Variants in RNF216 observed in about 807,000 individuals in gnomAD.
The protein encoded by RNF216 is E3 ubiquitin-protein ligase RNF216.
Under a neutral mutation model 110.8 loss-of-function variants are expected in RNF216, and 72 were observed. The ratio of observed to expected loss-of-function variants is 0.65; its 90% confidence interval spans 0.54 to 0.79. The LOEUF is 0.79. Among genes scored for constraint, RNF216 ranks in the 30% least tolerant of loss-of-function variants. The pLI is 0.00. For missense variants in RNF216, 1,342 were observed against 1,141.2 expected (o/e 1.18, Z -2.54); for synonymous variants, 495 against 407.5 (o/e 1.21, Z -2.59).
In RNF216 at chr7:5,778,261, C is replaced by G. The variant is rs117240984; in HGVS notation, c.-70+3280G>C. On this transcript the variant is annotated intron_variant, in intron 1 of 16. Transcript: ENST00000389902. Reference sequence around the variant, plus strand: ...GTTCAGTTCCATGACTTGCTCCTTCCTTCCACTGCAGGCTCTTCCCCAGCT... The same window carrying G: ...GTTCAGTTCCATGACTTGCTCCTTCGTTCCACTGCAGGCTCTTCCCCAGCT... Among the ~76,000 whole-genome samples the G allele has an allele frequency of 3.9e-3, 597 of 152,294 alleles. 5 individuals are homozygous for G. Among genetic ancestry groups the G allele is most frequent in the Non-Finnish European group, 7.0e-3 (474 of 68,028 alleles).
chr7:5,652,854 A>T (rs1196544058), intron 13 of RNF216, among the ~76,000 whole-genome samples: 1 of 152,112 alleles, frequency 6.6e-6, no homozygotes, highest in Admixed American at 6.6e-5. Flanking sequence ...AAGGACGCAC[A>T]AGGAAAAATT....
intron 13 of RNF216, 66 bp from the exon 14 acceptor site, chr7:5,652,576 A>G (rs1788463854): frequency 7.8e-6 from 8 of 1,022,010 alleles, no homozygotes; most frequent in Non-Finnish European, 1.2e-5. Context: ...TTCCTGTTCA[A>G]CAAAAGGGAT....
At chr7:5,744,926 C>T (rs367944850) in intron 3 of RNF216, among the ~76,000 whole-genome samples, 94 of 151,660 alleles carry the variant, frequency 6.2e-4, no homozygotes, top group African/African-American at 2.2e-3. Flanking sequence ...GAGCCAAGAT[C>T]GCGCCATTGC....
At chr7:5,723,288 C>T (rs73341624) in intron 8 of RNF216, among the ~76,000 whole-genome samples, 10,459 of 152,192 alleles carry the variant, frequency 0.069, 1,187 homozygotes, top group African/African-American at 0.24. Context: ...TTCGTCTTTA[C>T]TCAGTTCTTT....
intron 13 of RNF216, among the ~76,000 whole-genome samples, chr7:5,653,707 T>C (rs1788549697): frequency 2.0e-5 from 3 of 147,736 alleles, no homozygotes; most frequent in African/African-American, 5.0e-5. Context: ...AAGGAAAACA[T>C]AGTGTTGTCA....
chr7:5,778,694 C>G, intron 1 of RNF216, among the ~76,000 whole-genome samples: 1 of 152,196 alleles, frequency 6.6e-6, no homozygotes, highest in Middle Eastern at 3.2e-3. Flanking sequence ...CACGCTGACC[C>G]TTACAAGTTT....
At position 5,635,290 on chromosome 7, in the gene RNF216, CTT is replaced by C. The variant is rs755049416; in HGVS notation, c.2382+5862_2382+5863del. ...GATCACACCCACCCCACTAACTTCA[CTT>C]TTTTTTTTTTTTTTTTAACACACAA... On this transcript the variant is annotated intron_variant, in intron 15 of 16. Coordinates refer to ENST00000389902, the MANE Select transcript of RNF216 (RefSeq NM_207111.4). Among the ~76,000 whole-genome samples, 291 of 135,768 alleles carry C rather than the reference CTT, an allele frequency of 2.1e-3. 1 individual carries two copies. Among genetic ancestry groups the C allele is most frequent in the African/African-American group, 5.7e-3 (211 of 37,178 alleles). The allele number at this position is 135,768 out of a possible 152,430, so 89.1% of individuals were successfully genotyped here.
At chr7:5,626,926 G>A (rs1786744378) in intron 15 of RNF216, among the ~76,000 whole-genome samples, 1 of 152,128 alleles carries the variant, frequency 6.6e-6, no homozygotes, top group South Asian at 2.1e-4. Flanking sequence ...ATGAAGAAGT[G>A]GTGCACACTG....
chr7:5,774,901 C>T (rs1243715770), intron 1 of RNF216: 1 of 152,034 alleles, frequency 6.6e-6, no homozygotes, highest in Non-Finnish European at 1.5e-5. Context: ...GGCATGTTGC[C>T]ACCATGCCCA....
chr7:5,667,251 G>C (rs1276611181), intron 13 of RNF216, among the ~76,000 whole-genome samples: 1 of 152,120 alleles, frequency 6.6e-6, no homozygotes, highest in Non-Finnish European at 1.5e-5. Flanking sequence ...AACTGTTTCT[G>C]TTCCACCTAT....
At chr7:5,640,821 C>A in intron 15 of RNF216, among the ~76,000 whole-genome samples, 1 of 152,158 alleles carries the variant, frequency 6.6e-6, no homozygotes, top group East Asian at 1.9e-4. Context: ...GGGCTATCTC[C>A]GTCAGGCTTT....
intron 1 of RNF216, among the ~76,000 whole-genome samples, chr7:5,767,581 A>G (rs539134361): frequency 6.6e-6 from 1 of 151,152 alleles, no homozygotes; most frequent in Non-Finnish European, 1.5e-5. Flanking sequence ...AAATCTCAGC[A>G]AACATGTATT....
At chr7:5,626,774 T>C (rs1203208290) in intron 15 of RNF216, among the ~76,000 whole-genome samples, 1 of 152,140 alleles carries the variant, frequency 6.6e-6, no homozygotes, top group Non-Finnish European at 1.5e-5. Context: ...TTCCTGAGTA[T>C]CCCTGCGTCC....
chr7:5,759,157 C>G (rs1407396372), intron 2 of RNF216, among the ~76,000 whole-genome samples: 1 of 152,122 alleles, frequency 6.6e-6, no homozygotes, highest in African/African-American at 2.4e-5. Flanking sequence ...CCATGTGAGA[C>G]AAGCGTGCTT....
At chr7:5,631,017 T>C (rs1787037367) in intron 15 of RNF216, among the ~76,000 whole-genome samples, 1 of 152,096 alleles carries the variant, frequency 6.6e-6, no homozygotes, top group South Asian at 2.1e-4. Flanking sequence ...CAGAGGCAAC[T>C]GTTCTAAGGT....
chr7:5,762,035 C>T (rs377554258), intron 1 of RNF216, among the ~76,000 whole-genome samples: 47 of 151,956 alleles, frequency 3.1e-4, no homozygotes, highest in African/African-American at 1.0e-3. Context: ...ATAGAATATA[C>T]GGACAGGGAT....
chr7:5,692,572 C>T (rs565547032), intron 13 of RNF216, among the ~76,000 whole-genome samples: 29 of 152,266 alleles, frequency 1.9e-4, no homozygotes, highest in Non-Finnish European at 3.4e-4. Flanking sequence ...AAGCAGAGCC[C>T]GTGCAGAAGG....
At chr7:5,707,718 GTTTTTTTTTT>G (rs35372254) in intron 13 of RNF216, among the ~76,000 whole-genome samples, 3 of 92,826 alleles carry the variant, frequency 3.2e-5, no homozygotes, top group East Asian at 2.7e-4. Context: ...TGTGTGTGTG[GTTTTTTTTTT>G]TTTTTTTTTT....
intron 15 of RNF216, among the ~76,000 whole-genome samples, chr7:5,638,949 C>T (rs1309549116): frequency 6.6e-6 from 1 of 152,078 alleles, no homozygotes; most frequent in Admixed American, 6.6e-5. Flanking sequence ...TTTTTCCCTA[C>T]TTATAATTTT....
Sources: allele counts gnomAD v4.1 joint callset (sites outside exome capture counted in the v4.1 genomes callset), GRCh38; gene constraint gnomAD v4.1.1; transcripts MANE v1.5; gene names NCBI Gene and HGNC (gene_info 2026-07-23, HGNC 2026-07-21).